Variants in REV1 observed in about 807,000 individuals in gnomAD.
REV1 encodes the protein REV1 DNA directed polymerase.
REV1 carries 42 observed loss-of-function variants against 137.4 expected under a neutral mutation model. The ratio of observed to expected loss-of-function variants is 0.31; its 90% CI spans 0.24 to 0.40. The LOEUF (loss-of-function observed/expected upper bound fraction) is 0.40. Ranked by LOEUF, REV1 falls within the 10% of genes least tolerant of loss-of-function variation. The pLI, the probability that REV1 is intolerant of heterozygous loss-of-function variation, is 1.00. For missense variants in REV1, 1,282 were observed against 1,490.1 expected, an observed-to-expected ratio of 0.86 and a Z score of 2.30; for synonymous variants, 524 against 519.2, an observed-to-expected ratio of 1.01 and a Z score of -0.12.
chr2:99,426,384 A>G (rs1326329862), intron 9 of REV1, among the ~76,000 whole-genome samples: 1 of 152,142 alleles, frequency 6.6e-6, no homozygotes, highest in African/African-American at 2.4e-5. Flanking sequence ...ATCCCTATAA[A>G]TATCATGTTC....
intron 3 of REV1, among the ~76,000 whole-genome samples, chr2:99,451,763 T>C (rs1682949074): frequency 1.3e-5 from 2 of 148,554 alleles, no homozygotes; most frequent in African/African-American, 4.9e-5. Flanking sequence ...GATCCTGCCC[T>C]AGACTCTACG....
chr2:99,449,747 G>C (rs1197439329), intron 3 of REV1, among the ~76,000 whole-genome samples: 1 of 141,006 alleles, frequency 7.1e-6, no homozygotes, highest in Non-Finnish European at 1.6e-5. Context: ...GAAGTGCCTA[G>C]CAGAGCAAAT....
intron 14 of REV1, among the ~76,000 whole-genome samples, chr2:99,409,938 A>G (rs1045532121): frequency 6.8e-6 from 1 of 146,126 alleles, no homozygotes; most frequent in Non-Finnish European, 1.5e-5. Context: ...TCTTTTTACC[A>G]ATTAAATGTA....
intron 4 of REV1, among the ~76,000 whole-genome samples, chr2:99,444,519 C>A (rs974502280): frequency 4.6e-5 from 7 of 152,200 alleles, no homozygotes; most frequent in Admixed American, 4.6e-4. Context: ...TGGCCACCCA[C>A]AGAATTCTTA....
intron 1 of REV1, among the ~76,000 whole-genome samples, chr2:99,475,813 T>C (rs1461551610): frequency 6.6e-6 from 1 of 152,008 alleles, no homozygotes; most frequent in Non-Finnish European, 1.5e-5. Context: ...TAAAACCCCA[T>C]CTCTACTAAA....
intron 6 of REV1, among the ~76,000 whole-genome samples, chr2:99,438,296 T>TC (rs1313404816): frequency 6.6e-6 from 1 of 152,228 alleles, no homozygotes; most frequent in Non-Finnish European, 1.5e-5. Context: ...ATAGATGTTA[T>TC]ATTAACACAG....
At chr2:99,436,282 T>C (rs1374783059) in intron 6 of REV1, among the ~76,000 whole-genome samples, 2 of 152,170 alleles carry the variant, frequency 1.3e-5, no homozygotes, top group Non-Finnish European at 2.9e-5. Context: ...CTGGATAAAA[T>C]AACAACAATA....
intron 3 of REV1, among the ~76,000 whole-genome samples, chr2:99,458,451 A>C (rs1401976145): frequency 6.6e-6 from 1 of 152,246 alleles, no homozygotes; most frequent in African/African-American, 2.4e-5. Context: ...GCAAGGATGC[A>C]AAGAAAGTTG....
Position 99,439,176 on chromosome 2 carries a change from TTC to T in REV1, c.636_637del (p.Asn213TrpfsTer13), listed in dbSNP as rs1266553950. ...GCTCCCTCTGGGATGCGGAATTCCA[TTC>T]TGTTTCCTTCCCGGAGAGGTCTGCT... On this transcript the variant is annotated frameshift_variant, in exon 6 of 23. Coordinates refer to ENST00000258428, the MANE Select transcript of REV1 (RefSeq NM_016316.4). LOFTEE classifies it high-confidence loss of function. The T allele has an allele frequency of 1.2e-6, 2 of 1,614,180 alleles. No homozygotes were observed. Among genetic ancestry groups the T allele is most frequent in the Non-Finnish European group, 1.7e-6 (2 of 1,180,012 alleles).
Position 99,402,326 on chromosome 2 carries a change from G to C in REV1, c.3562C>G (p.Leu1188Val), listed in dbSNP as rs1675581168. ...TCAGTACAGTATTTCACAACTTGGA[G>C]AATGTCTTCTTCCATTGGATCTAGG... ...TISDPMEEDI[L>V]QVVKYCTDLI... Residue 1188 changes from leucine to valine, a missense_variant, in exon 22 of 23, where the codon CTC (leucine) becomes GTC (valine). Transcript: ENST00000258428. 1 of 1,532,116 alleles carries C rather than the reference G, an allele frequency of 6.5e-7. No individual in the cohort carries two copies. Among genetic ancestry groups the C allele is most frequent in the South Asian group, 1.2e-5 (1 of 84,552 alleles). The allele number at this position is 1,532,116 out of a possible 1,614,324, so 94.9% of individuals were successfully genotyped here. A position where few individuals can be genotyped will look rare whatever the true frequency, so the allele number is the denominator to read the frequency against.
At chr2:99,421,881 ATGTT>A (rs1489927333) in intron 10 of REV1, among the ~76,000 whole-genome samples, 5 of 152,330 alleles carry the variant, frequency 3.3e-5, no homozygotes, top group African/African-American at 1.2e-4. Context: ...GGATAGGAAA[ATGTT>A]TGAGGAGTAA....
chr2:99,473,475 T>C (rs1685641938), intron 1 of REV1, among the ~76,000 whole-genome samples: 1 of 152,212 alleles, frequency 6.6e-6, no homozygotes, highest in African/African-American at 2.4e-5. Context: ...AAACCTCTAC[T>C]TGCTTTTAGC....
Position 99,402,267 on chromosome 2 carries a change from A to G in REV1, c.3621T>C (p.Asp1207=). ...LIEEKDLEKL[D]LVIKYMKRLM... is the part of the protein sequence containing the mutation. ...ACCTTTTCATGTATTTTATAACTAG[A>G]TCCAGTTTTTCCAAATCTTTTTCTT... Residue 1207 remains aspartate (D), a synonymous_variant, in exon 22 of 23, where the codon GAT becomes GAC. Coordinates refer to ENST00000258428, the MANE Select transcript of REV1 (RefSeq NM_016316.4). The G allele has an allele frequency of 7.1e-7, 1 of 1,410,222 alleles. No individual in the cohort carries two copies. The highest frequency in any genetic ancestry group is 9.8e-7 in the Non-Finnish European group (1 of 1,017,118). The allele number at this position is 1,410,222 out of a possible 1,614,324, so 87.4% of individuals were successfully genotyped here.
At chr2:99,480,770 C>T (rs889003322) in intron 1 of REV1, among the ~76,000 whole-genome samples, 1 of 152,052 alleles carries the variant, frequency 6.6e-6, no homozygotes, top group African/African-American at 2.4e-5. Context: ...AAATGTAATT[C>T]CAAATAAACA....
intron 1 of REV1, among the ~76,000 whole-genome samples, chr2:99,484,562 CAT>C (rs368905322): frequency 2.0e-4 from 30 of 149,962 alleles, no homozygotes; most frequent in Admixed American, 5.4e-4. Flanking sequence ...CACCAAGACA[CAT>C]GATTCTTTGA....
intron 1 of REV1, among the ~76,000 whole-genome samples, chr2:99,470,217 A>G (rs1685264138): frequency 6.6e-6 from 1 of 152,208 alleles, no homozygotes; most frequent in Non-Finnish European, 1.5e-5. Flanking sequence ...CTTCCACTAC[A>G]TATCCACAAA....
At chr2:99,475,118 T>G (rs112611501) in intron 1 of REV1, among the ~76,000 whole-genome samples, 18 of 152,332 alleles carry the variant, frequency 1.2e-4, no homozygotes, top group African/African-American at 4.1e-4. Context: ...TTTTATTTCC[T>G]GCAGAAAAGG....
chr2:99,405,926 A>G lies in REV1; in HGVS notation c.2795T>C (p.Val932Ala), dbSNP rs988060791. ...VQSRLNLSIE[V>A]PSPSQLDQSV... Reference sequence around the variant, plus strand: ...AAAATGTACCTGGGAAGGTGACGGGACCTCTATACTCAGGTTAAGTCTCGA... The same window carrying G: ...AAAATGTACCTGGGAAGGTGACGGGGCCTCTATACTCAGGTTAAGTCTCGA... The change falls in exon 17 of 23, where the codon GTC becomes GCC. Residue 932 changes from valine (V) to alanine (A), a missense_variant. Around this residue, in one of 7 missense-constraint regions of REV1, gnomAD observed 135 missense variants for 123.3 expected, o/e 1.10. Transcript: ENST00000258428. 1 of 1,560,432 alleles carries G rather than the reference A, an allele frequency of 6.4e-7. No individual in the cohort carries two copies. The highest frequency in any genetic ancestry group is 8.7e-7 in the Non-Finnish European group (1 of 1,153,132).
chr2:99,416,568 C>T (rs1208304773), intron 12 of REV1, among the ~76,000 whole-genome samples: 4 of 152,148 alleles, frequency 2.6e-5, no homozygotes, highest in African/African-American at 4.8e-5. Flanking sequence ...TTCAAATCTC[C>T]CTTAGGAAAT....
Sources: gnomAD v4.1 joint callset for allele counts (sites outside exome capture counted in the v4.1 genomes callset) on GRCh38, gnomAD v4.1.1 for gene constraint, gnomAD v4.1.1 regional missense constraint, MANE v1.5 for transcripts, NCBI Gene and HGNC (gene_info 2026-07-23, HGNC 2026-07-21) for gene names.